Variants in CLSTN2 observed in about 807,000 individuals in gnomAD.
CLSTN2 encodes calsyntenin 2.
In CLSTN2, 48 loss-of-function variants were observed where a neutral mutation model predicts 101.2. The observed-to-expected ratio is 0.47, with a 90% confidence interval of 0.38 to 0.60. The LOEUF is 0.60. CLSTN2 is among the 20% of genes least tolerant of loss of function. The pLI is 0.00. For missense variants in CLSTN2, 1,160 were observed against 1,238.2 expected, an observed-to-expected ratio of 0.94 and a Z score of 0.95; for synonymous variants, 481 against 463.6, an observed-to-expected ratio of 1.04 and a Z score of -0.48.
rs987138704 is a variant in CLSTN2, at chr3:140,569,666, C to T, written c.*3413C>T. ...TTTCAGTGAAATCTCTTTTCATTGC[C>T]GCTTTCTTTTGTTGTTGTTTGTTTT... On this transcript the variant is annotated 3_prime_UTR_variant, in exon 17 of 17. Transcript: ENST00000458420. 1.3e-5 allele frequency: 2 copies of T among 152,060 alleles called. No homozygotes were observed. The highest frequency in any genetic ancestry group is 2.1e-4 in the South Asian group (1 of 4,816). The allele number at this position is 152,060 out of a possible 1,614,324, so 9.4% of individuals were successfully genotyped here.
chr3:140,456,260 A>T lies in CLSTN2; in HGVS notation c.974-3261A>T, dbSNP rs114886553. 4.6e-3 allele frequency among the ~76,000 whole-genome samples: 695 copies of T among 152,290 alleles called. 5 individuals are homozygous for T. Among genetic ancestry groups the T allele is most frequent in the African/African-American group, 0.016 (665 of 41,568 alleles). ...CCCTCCAGGTCCACTGAGGAGGTGC[A>T]ATGGGGAGCATGGGCTTTGGAGCTG... On this transcript the variant is annotated intron_variant, in intron 6 of 16. Coordinates refer to ENST00000458420, the MANE Select transcript of CLSTN2 (RefSeq NM_022131.3).
At chr3:140,127,601 G>T (rs149802401) in intron 1 of CLSTN2, among the ~76,000 whole-genome samples, 21 of 152,256 alleles carry the variant, frequency 1.4e-4, no homozygotes, top group African/African-American at 4.3e-4. Context: ...GGATGAGGCG[G>T]CTGTCAGGAA....
chr3:140,016,761 T>A (rs1464958520), intron 1 of CLSTN2, among the ~76,000 whole-genome samples: 1 of 128,802 alleles, frequency 7.8e-6, no homozygotes, highest in Non-Finnish European at 1.6e-5. Context: ...ATCATACTAC[T>A]GCACTCCAGC....
intron 2 of CLSTN2, among the ~76,000 whole-genome samples, chr3:140,300,339 G>A (rs2087045967): frequency 6.6e-6 from 1 of 152,156 alleles, no homozygotes; most frequent in Non-Finnish European, 1.5e-5. Context: ...AATTCCTACA[G>A]TGTCTGTTCT....
intron 10 of CLSTN2, among the ~76,000 whole-genome samples, chr3:140,555,643 G>A (rs959333839): frequency 1.1e-4 from 16 of 152,160 alleles, no homozygotes; most frequent in African/African-American, 3.6e-4. Context: ...TATATACTCT[G>A]AATTCACAGA....
At chr3:140,553,273 G>A (rs1935739833) in intron 10 of CLSTN2, among the ~76,000 whole-genome samples, 1 of 152,222 alleles carries the variant, frequency 6.6e-6, no homozygotes, top group African/African-American at 2.4e-5. Flanking sequence ...ACAATAGTAA[G>A]AATGATCATC....
At chr3:140,518,627 C>T (rs1186456354) in intron 8 of CLSTN2, among the ~76,000 whole-genome samples, 1 of 152,178 alleles carries the variant, frequency 6.6e-6, no homozygotes, top group Non-Finnish European at 1.5e-5. Context: ...CCTTTTCACA[C>T]TTTTACACTT....
intron 1 of CLSTN2, among the ~76,000 whole-genome samples, chr3:140,047,467 A>G (rs1184350522): frequency 6.6e-6 from 1 of 152,110 alleles, no homozygotes; most frequent in East Asian, 1.9e-4. Flanking sequence ...TATTTATATA[A>G]TATTTTATTT....
At chr3:139,976,450 G>T (rs908025408) in intron 1 of CLSTN2, among the ~76,000 whole-genome samples, 3 of 152,236 alleles carry the variant, frequency 2.0e-5, no homozygotes, top group African/African-American at 7.2e-5. Flanking sequence ...AACAAAGTGG[G>T]AAGTAGGTAC....
intron 8 of CLSTN2, among the ~76,000 whole-genome samples, chr3:140,494,423 C>T (rs1329899422): frequency 6.6e-6 from 1 of 152,230 alleles, no homozygotes; most frequent in Non-Finnish European, 1.5e-5. Context: ...GCTGATTGCT[C>T]TTCCAAAGCA....
At chr3:139,951,978 T>C (rs1173149269) in intron 1 of CLSTN2, among the ~76,000 whole-genome samples, 1 of 152,190 alleles carries the variant, frequency 6.6e-6, no homozygotes, top group East Asian at 1.9e-4. Flanking sequence ...TCTTTCTTTT[T>C]CCCCCTCCTC....
At chr3:140,071,124 G>A (rs1356088698) in intron 1 of CLSTN2, among the ~76,000 whole-genome samples, 1 of 152,022 alleles carries the variant, frequency 6.6e-6, no homozygotes, top group Non-Finnish European at 1.5e-5. Context: ...GCAGAAATAG[G>A]TACAAATATT....
chr3:140,086,619 T>C (rs1331690265), intron 1 of CLSTN2, among the ~76,000 whole-genome samples: 6 of 152,202 alleles, frequency 3.9e-5, no homozygotes, highest in Non-Finnish European at 8.8e-5. Flanking sequence ...ATTTATCATG[T>C]ATACACTCAT....
intron 1 of CLSTN2, among the ~76,000 whole-genome samples, chr3:140,090,210 C>T (rs1390983045): frequency 2.0e-5 from 3 of 150,484 alleles, no homozygotes; most frequent in East Asian, 2.0e-4. Flanking sequence ...GGAAGCATGT[C>T]TCTGCTTGGG....
intron 10 of CLSTN2, among the ~76,000 whole-genome samples, chr3:140,550,575 G>A (rs1284800930): frequency 6.6e-6 from 1 of 152,068 alleles, no homozygotes; most frequent in Non-Finnish European, 1.5e-5. Context: ...CTTTGCATCT[G>A]CGTAGATCTT....
chr3:140,068,289 T>C (rs2008331833), intron 1 of CLSTN2, among the ~76,000 whole-genome samples: 1 of 152,212 alleles, frequency 6.6e-6, no homozygotes, highest in Non-Finnish European at 1.5e-5. Context: ...GCTCCACAAA[T>C]CTAGACAATT....
At chr3:140,293,763 T>C (rs909338999) in intron 2 of CLSTN2, among the ~76,000 whole-genome samples, 1 of 152,094 alleles carries the variant, frequency 6.6e-6, no homozygotes, top group Non-Finnish European at 1.5e-5. Context: ...TCTGGGCTTG[T>C]TGGGTCCAAG....
At chr3:140,531,521 A>AG (rs1417045229) in intron 8 of CLSTN2, among the ~76,000 whole-genome samples, 1 of 152,162 alleles carries the variant, frequency 6.6e-6, no homozygotes, top group African/African-American at 2.4e-5. Context: ...TGGAGACAAG[A>AG]GGATGCAGAT....
chr3:140,158,793 A>G (rs2107818575), intron 1 of CLSTN2, among the ~76,000 whole-genome samples: 1 of 152,344 alleles, frequency 6.6e-6, no homozygotes, highest in South Asian at 2.1e-4. Context: ...ATAAGGCTGC[A>G]GTAACCAAAA....
Sources: allele counts gnomAD v4.1 joint callset (sites outside exome capture counted in the v4.1 genomes callset), GRCh38; gene constraint gnomAD v4.1.1; transcripts MANE v1.5; gene names NCBI Gene and HGNC (gene_info 2026-07-23, HGNC 2026-07-21).